The following SCO1 variants were observed in gnomAD, a reference collection of about 807,000 sequenced individuals.
The protein encoded by SCO1 is cytochrome c oxidase assembly factor SCO1.
In SCO1, 23 loss-of-function variants were observed where a neutral mutation model predicts 34.0. The observed-to-expected ratio is 0.68, with a 90% CI of 0.49 to 0.96. The LOEUF is 0.96. Among genes scored for constraint, SCO1 ranks in the 40% least tolerant of loss-of-function variants. The probability of loss-of-function intolerance (pLI) is 0.00; values close to 1 mark genes in which losing one functional copy is unlikely to be tolerated. For missense variants in SCO1, 404 were observed against 381.6 expected (o/e 1.06, Z -0.49); for synonymous variants, 161 against 145.5 (o/e 1.11, Z -0.77).
Position 10,675,747 on chromosome 17 carries a change from C to T in SCO1, c.*5372G>A, listed in dbSNP as rs1283173855. 5 of 152,102 alleles carry T rather than the reference C, an allele frequency of 3.3e-5. No individual in the cohort carries two copies. The highest frequency in any genetic ancestry group is 5.9e-5 in the Non-Finnish European group (4 of 68,022). 9.4% of individuals were successfully genotyped at this position (152,102 alleles called of 1,614,324 possible). On this transcript the variant is annotated 3_prime_UTR_variant, in exon 6 of 6. Transcript: ENST00000255390. ...GTTTTACAAATTTAAAGAAAAAAAA[C>T]ACCCAACAACGAGGACAAATGCGTT... is the stretch of plus-strand genomic sequence containing the variant.
chr17:10,674,471 A>G lies in SCO1; in HGVS notation c.*6648T>C. ...ACAAAAAAACAGACTGTGATTGAGG[A>G]GAGCTGGAGTGGAGCCTGAGAAGCT... On this transcript the variant is annotated 3_prime_UTR_variant, in exon 6 of 6. Coordinates refer to ENST00000255390, the MANE Select transcript of SCO1 (RefSeq NM_004589.4). The G allele has an allele frequency of 3.8e-6, 1 of 264,342 alleles. No individual in the cohort carries two copies. Among genetic ancestry groups the G allele is most frequent in the South Asian group, 3.7e-5 (1 of 27,102 alleles). The allele number at this position is 264,342 out of a possible 1,614,324, so 16.4% of individuals were successfully genotyped here.
chr17:10,693,972 G>A (rs967946993), intron 2 of SCO1, among the ~76,000 whole-genome samples: 1 of 152,148 alleles, frequency 6.6e-6, no homozygotes, highest in Admixed American at 6.5e-5. Context: ...GTAAGTATAC[G>A]TATGTCAATA....
chr17:10,673,407 CAG>C lies in SCO1; in HGVS notation c.*7710_*7711del. ...GTGCTGTGATCCCGCACGTTCCCGA[CAG>C]GGCTTTCTGAATGTACGGGGCTGAG... On this transcript the variant is annotated 3_prime_UTR_variant, in exon 6 of 6. Transcript: ENST00000255390. 1 of 152,330 alleles carries C rather than the reference CAG, an allele frequency of 6.6e-6. No individual in the cohort carries two copies. The highest frequency in any genetic ancestry group is 1.9e-4 in the East Asian group (1 of 5,180). 9.4% of individuals were successfully genotyped at this position (152,330 alleles called of 1,614,324 possible).
chr17:10,686,132 C>T (rs564679789), intron 5 of SCO1, among the ~76,000 whole-genome samples: 6 of 152,276 alleles, frequency 3.9e-5, no homozygotes, highest in African/African-American at 1.4e-4. Context: ...ATCCCAGCTA[C>T]GCGAGAGGCT....
intron 2 of SCO1, 76 bp from the exon 3 acceptor site, chr17:10,693,037 G>C: frequency 8.1e-7 from 1 of 1,237,000 alleles, no homozygotes; most frequent in South Asian, 1.2e-5. Flanking sequence ...CTGACATATG[G>C]CCCGTACTAT....
Position 10,681,209 on chromosome 17 carries a change from C to T in SCO1, c.816G>A (p.Glu272=). The change falls in exon 6 of 6, where the codon GAG becomes GAA. Residue 272 remains glutamate, a synonymous_variant. Transcript: ENST00000255390. ...TGTTCTGGCCAAAATAATCTAGAAA[C>T]TCACCATCTGGTCCAATCAAGTACA... ...IIMYLIGPDG[E]FLDYFGQNKR... The T allele has an allele frequency of 1.9e-6, 3 of 1,614,132 alleles. No individual in the cohort carries two copies. The South Asian group carries it at 3.3e-5, about 18-fold the overall frequency.
rs1411719380 is a variant in SCO1, at chr17:10,678,744, C to G, written c.*2375G>C. The G allele has an allele frequency of 6.6e-6, 1 of 152,180 alleles. No individual in the cohort carries two copies. The allele number at this position is 152,180 out of a possible 1,614,324, so 9.4% of individuals were successfully genotyped here. On this transcript the variant is annotated 3_prime_UTR_variant, in exon 6 of 6. Coordinates refer to ENST00000255390, the MANE Select transcript of SCO1 (RefSeq NM_004589.4). The stretch of plus-strand genomic sequence containing the variant: ...AATCTTGCAGTTGTTTATTAAGGAA[C>G]AGGCTATTGTATTAGCTTGCTAGGA...
At position 10,672,625 on chromosome 17, in the gene SCO1, C is replaced by T. The variant is rs1351319310; in HGVS notation, c.*8494G>A. ...TACCACTTCCCCAAATCCCCTCCTG[C>T]CCCTGGCAATCATTTGCCACTGCAA... On this transcript the variant is annotated 3_prime_UTR_variant, in exon 6 of 6. Transcript: ENST00000255390. The T allele has an allele frequency of 6.6e-6, 1 of 152,172 alleles. No individual in the cohort carries two copies. Among genetic ancestry groups the T allele is most frequent in the Admixed American group, 6.5e-5 (1 of 15,272 alleles). 9.4% of individuals were successfully genotyped at this position (152,172 alleles called of 1,614,324 possible).
At chr17:10,682,570 G>T (rs2074629224) in intron 5 of SCO1, among the ~76,000 whole-genome samples, 1 of 151,998 alleles carries the variant, frequency 6.6e-6, no homozygotes, top group South Asian at 2.1e-4. Context: ...ACAAACTACA[G>T]TATGTGGGAC....
rs745944446 is a variant in SCO1, at chr17:10,673,825, T to C, written c.*7294A>G. 5.3e-5 allele frequency: 8 copies of C among 152,370 alleles called. No individual in the cohort carries two copies. Among genetic ancestry groups the C allele is most frequent in the Non-Finnish European group, 8.8e-5 (6 of 68,036 alleles). 9.4% of individuals were successfully genotyped at this position (152,370 alleles called of 1,614,324 possible). On this transcript the variant is annotated 3_prime_UTR_variant, in exon 6 of 6. Transcript: ENST00000255390. The stretch of plus-strand genomic sequence containing the variant: ...CTCGATGGAGAAACGCTTGGTATAC[T>C]GTGCTGAATAGAAGTTCTGACAGGG...
At position 10,680,878 on chromosome 17, in the gene SCO1, C is replaced by A; in HGVS notation, c.*241G>T. On this transcript the variant is annotated 3_prime_UTR_variant, in exon 6 of 6. Transcript: ENST00000255390. ...GGGCTCTTCACTGGCTTCACTTCAG[C>A]TTGATCCTCTGGTCTCCCCACAGCT... The A allele has an allele frequency of 1.8e-6, 1 of 548,064 alleles. No homozygotes were observed. Among genetic ancestry groups the A allele is most frequent in the Non-Finnish European group, 3.3e-6 (1 of 307,574 alleles). 34.0% of individuals were successfully genotyped at this position (548,064 alleles called of 1,614,324 possible).
intron 5 of SCO1, among the ~76,000 whole-genome samples, chr17:10,682,612 C>T (rs2074629630): frequency 6.6e-6 from 1 of 152,038 alleles, no homozygotes. Context: ...TATAAATTAC[C>T]TTGTAGTACA....
rs899615211 is a variant in SCO1, at chr17:10,676,995, C to T, written c.*4124G>A. On this transcript the variant is annotated 3_prime_UTR_variant, in exon 6 of 6. Transcript: ENST00000255390. ...CCATTTTGTTACACAGTAATATAAC[C>T]CCTAACTGGTAAGTAAAAAGCACAA... 6.6e-6 allele frequency: 1 copy of T among 152,116 alleles called. No homozygotes were observed. The highest frequency in any genetic ancestry group is 6.6e-5 in the Admixed American group (1 of 15,262). 9.4% of individuals were successfully genotyped at this position (152,116 alleles called of 1,614,324 possible). A position where few individuals can be genotyped will look rare whatever the true frequency, so the allele number is the denominator to read the frequency against.
At position 10,684,819 on chromosome 17, in the gene SCO1, G is replaced by GT. The variant is rs558115991; in HGVS notation, c.771+1907dup. On this transcript the variant is annotated intron_variant, in intron 5 of 5. Coordinates refer to ENST00000255390, the MANE Select transcript of SCO1 (RefSeq NM_004589.4). ...AAGTCCGGAAAGTCCTTTTCCTATGGTTTCCTCTTTTGGCCACTGTGGCTC... is the reference window on the plus strand; with the variant it reads ...AAGTCCGGAAAGTCCTTTTCCTATGGTTTTCCTCTTTTGGCCACTGTGGCTC... Among the ~76,000 whole-genome samples, 244 of 152,288 alleles carry GT rather than the reference G, an allele frequency of 1.6e-3. 2 individuals carry two copies. Among genetic ancestry groups the GT allele is most frequent in the African/African-American group, 5.7e-3 (237 of 41,564 alleles).
At chr17:10,688,984 C>T (rs938632699) in intron 4 of SCO1, among the ~76,000 whole-genome samples, 14 of 148,134 alleles carry the variant, frequency 9.5e-5, no homozygotes, top group Admixed American at 6.0e-4. Flanking sequence ...GGCGTGGTAG[C>T]GGGCGCCTGT....
chr17:10,684,333 C>T (rs533529134), intron 5 of SCO1, among the ~76,000 whole-genome samples: 47 of 152,314 alleles, frequency 3.1e-4, no homozygotes, highest in African/African-American at 1.1e-3. Context: ...CTGTTACAGG[C>T]AGACATGAAT....
chr17:10,689,115 CA>C (rs556558488), intron 4 of SCO1, among the ~76,000 whole-genome samples: 40 of 67,914 alleles, frequency 5.9e-4, no homozygotes, highest in Middle Eastern at 8.3e-3. Flanking sequence ...GACTCCGTCT[CA>C]AAAAAAAAAA....
intron 5 of SCO1, among the ~76,000 whole-genome samples, chr17:10,682,465 A>C (rs934880059): frequency 4.6e-5 from 7 of 152,148 alleles, no homozygotes; most frequent in Non-Finnish European, 7.3e-5. Flanking sequence ...CAGAAATCAG[A>C]ATTAAGTCTC....
intron 4 of SCO1, 42 bp downstream of exon 4, chr17:10,691,830 C>T (rs758936387): frequency 2.9e-4 from 386 of 1,353,812 alleles, no homozygotes; most frequent in Non-Finnish European, 3.8e-4. Flanking sequence ...ATTCCAAAAA[C>T]TTTAAGGCTA....
Sources: gnomAD v4.1 joint callset for allele counts (sites outside exome capture counted in the v4.1 genomes callset) on GRCh38, gnomAD v4.1.1 for gene constraint, MANE v1.5 for transcripts, NCBI Gene and HGNC (gene_info 2026-07-23, HGNC 2026-07-21) for gene names.